The following TPO variants were observed in gnomAD, a reference collection of about 807,000 sequenced individuals.
The protein encoded by TPO is thyroid peroxidase, also known as thyroid microsomal antigen.
TPO carries 78 observed loss-of-function variants against 96.9 expected under a neutral mutation model. That is an observed-to-expected ratio of 0.81 (90% confidence interval 0.67 to 0.97). TPO has a LOEUF of 0.97. TPO is among the 50% of genes least tolerant of loss of function. The probability of loss-of-function intolerance (pLI) is 0.00; values close to 1 mark genes in which losing one functional copy is unlikely to be tolerated. For synonymous variants in TPO, 547 were observed against 538.0 expected (o/e 1.02, Z -0.23); for missense variants, 1,252 against 1,274.8 (o/e 0.98, Z 0.27).
intron 6 of TPO, 28 bp from the exon 7 acceptor site, chr2:1,456,048 T>C: frequency 1.2e-6 from 2 of 1,608,926 alleles, no homozygotes; most frequent in Non-Finnish European, 1.7e-6. Flanking sequence ...TCCTCCTATG[T>C]CCTGACCAAT....
At chr2:1,461,051 C>T (rs1299476287) in intron 7 of TPO, among the ~76,000 whole-genome samples, 1 of 152,144 alleles carries the variant, frequency 6.6e-6, no homozygotes, top group Non-Finnish European at 1.5e-5. Flanking sequence ...ACAGGTGGGA[C>T]AGTTGGGGGC....
intron 14 of TPO, among the ~76,000 whole-genome samples, chr2:1,509,345 C>A (rs985146904): frequency 2.0e-5 from 3 of 152,030 alleles, no homozygotes; most frequent in Non-Finnish European, 2.9e-5. Flanking sequence ...AGGGACACCA[C>A]ACCCTCTTGT....
chr2:1,522,110 T>C (rs1390769553), intron 15 of TPO, among the ~76,000 whole-genome samples: 1 of 146,466 alleles, frequency 6.8e-6, no homozygotes. Context: ...CCTGGCAGTC[T>C]CTCTACCCGA....
chr2:1,475,594 T>G (rs1386652408), intron 7 of TPO, among the ~76,000 whole-genome samples: 1 of 151,706 alleles, frequency 6.6e-6, no homozygotes, highest in Non-Finnish European at 1.5e-5. Flanking sequence ...CGGCTAATTT[T>G]TTGTATTTTA....
At chr2:1,390,599 C>T (rs916137176) in intron 1 of TPO, among the ~76,000 whole-genome samples, 4 of 152,168 alleles carry the variant, frequency 2.6e-5, no homozygotes, top group Non-Finnish European at 5.9e-5. Flanking sequence ...CTTGAGGGAT[C>T]GCCACACTGT....
At chr2:1,426,310 A>G (rs1413320903) in intron 3 of TPO, among the ~76,000 whole-genome samples, 1 of 148,390 alleles carries the variant, frequency 6.7e-6, no homozygotes, top group African/African-American at 2.5e-5. Context: ...TCTAGATGCC[A>G]GGATACAGAG....
intron 2 of TPO, among the ~76,000 whole-genome samples, chr2:1,417,161 T>A: frequency 6.6e-6 from 1 of 151,732 alleles, no homozygotes; most frequent in Non-Finnish European, 1.5e-5. Context: ...GCGAAAAGTA[T>A]CAGGCCAGTG....
In TPO at chr2:1,527,648, T is replaced by TC. The variant is rs34480829; in HGVS notation, c.2618+10674dup. Among the ~76,000 whole-genome samples, 651 of 76,628 alleles carry TC rather than the reference T, an allele frequency of 8.5e-3. 6 individuals are homozygous for TC. Among genetic ancestry groups the TC allele is most frequent in the South Asian group, 0.029 (55 of 1,916 alleles). The allele number at this position is 76,628 out of a possible 152,430, so 50.3% of individuals were successfully genotyped here. On this transcript the variant is annotated intron_variant, in intron 15 of 16. Coordinates refer to ENST00000329066, the MANE Select transcript of TPO (RefSeq NM_001206744.2). ...CCCTACTCTCTGCAGACTCCCCAAA[T>TC]CCCCCCCCAATCTGTGCAACCTCCC...
At chr2:1,438,459 C>T (rs930942686) in intron 5 of TPO, among the ~76,000 whole-genome samples, 1 of 152,122 alleles carries the variant, frequency 6.6e-6, no homozygotes, top group Non-Finnish European at 1.5e-5. Flanking sequence ...TTGAGACCTC[C>T]TAACTTTTTT....
intron 13 of TPO, among the ~76,000 whole-genome samples, chr2:1,500,568 A>G (rs1672773387): frequency 6.6e-6 from 1 of 152,214 alleles, no homozygotes. Flanking sequence ...ACAGAAAGGA[A>G]GGCTACGGGC....
At chr2:1,480,545 C>A (rs1452166127) in intron 8 of TPO, among the ~76,000 whole-genome samples, 2 of 134,850 alleles carry the variant, frequency 1.5e-5, no homozygotes, top group Non-Finnish European at 3.2e-5. Flanking sequence ...CCCTCTATCA[C>A]CCCTCAAACC....
rs368177022 is a variant in TPO at position 1,388,563 on chromosome 2, G to T, written n.180+14161G>T. On this transcript the variant is annotated intron_variant and non_coding_transcript_variant, in intron 1 of 5. Coordinates refer to the TPO transcript ENST00000497517. ...CGTTTGCTAAGACCATTGGAAAAGC[G>T]CAGTATTATGGTGGGAGTGACCCGA... Among the ~76,000 whole-genome samples, 36 of 152,326 alleles carry T rather than the reference G, an allele frequency of 2.4e-4. 1 individual carries two copies. The East Asian group carries it at 4.3e-3, about 18-fold the overall frequency.
At chr2:1,392,969 A>G (rs968340418) in intron 1 of TPO, among the ~76,000 whole-genome samples, 19 of 152,214 alleles carry the variant, frequency 1.2e-4, no homozygotes, top group African/African-American at 4.6e-4. Context: ...AAAGAGTCAT[A>G]TAGACTCTTT....
chr2:1,477,826 G>T (rs1670128752), intron 8 of TPO: 1 of 985,308 alleles, frequency 1.0e-6, no homozygotes, highest in Non-Finnish European at 1.2e-6. Flanking sequence ...CTGTGCAGGG[G>T]CCGAAGGGTA....
intron 1 of TPO, among the ~76,000 whole-genome samples, chr2:1,388,370 TC>T (rs1297020934): frequency 1.3e-5 from 2 of 152,200 alleles, no homozygotes; most frequent in African/African-American, 4.8e-5. Flanking sequence ...AGTTCGAGCT[TC>T]CTGGCCGCTT....
chr2:1,525,045 C>A (rs1676118257), intron 15 of TPO, among the ~76,000 whole-genome samples: 1 of 72,014 alleles, frequency 1.4e-5, no homozygotes, highest in Non-Finnish European at 2.9e-5. Flanking sequence ...TGTGCAACCT[C>A]CCCCTATCCC....
chr2:1,414,199 G>A (rs1662640271), intron 1 of TPO, among the ~76,000 whole-genome samples: 1 of 152,180 alleles, frequency 6.6e-6, no homozygotes, highest in Non-Finnish European at 1.5e-5. Flanking sequence ...GGGCCTGGGA[G>A]GCCTGCTCAG....
At chr2:1,496,801 T>G (rs767496060) in intron 13 of TPO, 36 bp downstream of exon 13, 1 of 1,613,030 alleles carries the variant, frequency 6.2e-7, no homozygotes, top group Admixed American at 1.7e-5. Context: ...ACAAAACATC[T>G]GAATGTTTCC....
chr2:1,400,568 C>CAAAAAAAAAAAAAAAAAAAAA (rs34242408), intron 1 of TPO, among the ~76,000 whole-genome samples: 12 of 71,598 alleles, frequency 1.7e-4, no homozygotes, highest in African/African-American at 6.0e-4. Flanking sequence ...GACTCTGTCT[C>CAAAAAAAAAAAAAAAAAAAAA]AAAAAAAAAA....
Sources: gnomAD v4.1 joint callset for allele counts (sites outside exome capture counted in the v4.1 genomes callset) on GRCh38, gnomAD v4.1.1 for gene constraint, MANE v1.5 for transcripts, NCBI Gene and HGNC (gene_info 2026-07-23, HGNC 2026-07-21) for gene names.